The following MAP3K6 variants were observed in gnomAD, a reference collection of about 807,000 sequenced individuals.
The protein encoded by MAP3K6 is mitogen-activated protein kinase kinase kinase 6, also known as apoptosis signal-regulating kinase 2.
A neutral mutation model predicts 147.1 loss-of-function variants in MAP3K6; 105 were observed. The ratio of observed to expected loss-of-function variants is 0.71; its 90% confidence interval spans 0.61 to 0.84. The LOEUF (loss-of-function observed/expected upper bound fraction) is 0.84, where lower values mean the gene tolerates loss of function less well. Ranked by LOEUF, MAP3K6 falls within the 40% of genes least tolerant of loss-of-function variation. The pLI is 0.00. For missense variants in MAP3K6, 1,569 were observed against 1,715.0 expected, an observed-to-expected ratio of 0.91 and a Z score of 1.50; for synonymous variants, 695 against 732.4, an observed-to-expected ratio of 0.95 and a Z score of 0.82.
intron 9 of MAP3K6, 83 bp downstream of exon 9, chr1:27,362,008 G>A: frequency 6.5e-7 from 1 of 1,536,008 alleles, no homozygotes; most frequent in Non-Finnish European, 8.8e-7. Flanking sequence ...CATTGGCTCA[G>A]GGTTCAGTCT....
At chr1:27,365,709 G>T (rs542048045) in intron 1 of MAP3K6, among the ~76,000 whole-genome samples, 3 of 147,938 alleles carry the variant, frequency 2.0e-5, no homozygotes, top group Non-Finnish European at 4.5e-5. Flanking sequence ...CCCTCACCCA[G>T]TATCCAGTCC....
In MAP3K6 at chr1:27,363,627, C is replaced by T. The variant is rs1022977937; in HGVS notation, c.865-79G>A. ...CCTTGAGCCAGGGTCCTGTCCCACT[C>T]CTGACATCCCACCCAGCCACCATCT... On this transcript the variant is annotated intron_variant, in intron 5 of 28. Transcript: ENST00000357582. 9.8e-6 allele frequency: 11 copies of T among 1,117,964 alleles called. 1 individual carries two copies. Among genetic ancestry groups the T allele is most frequent in the Non-Finnish European group, 1.3e-5 (10 of 784,668 alleles). The allele number at this position is 1,117,964 out of a possible 1,614,324, so 69.3% of individuals were successfully genotyped here.
Position 27,361,842 on chromosome 1 carries a change from A to G in MAP3K6, c.1441T>C (p.Phe481Leu), listed in dbSNP as rs2015787239. The G allele has an allele frequency of 1.9e-6, 3 of 1,577,624 alleles. No individual in the cohort carries two copies. Among genetic ancestry groups the G allele is most frequent in the Admixed American group, 1.8e-5 (1 of 55,264 alleles). Residue 481 changes from phenylalanine (F) to leucine (L), a missense_variant, in exon 10 of 29, where the codon TTC (phenylalanine) becomes CTC (leucine). By Grantham distance (22) the Phe-to-Leu change is conservative (BLOSUM62 0). Coordinates refer to ENST00000357582, the MANE Select transcript of MAP3K6 (RefSeq NM_004672.5). ...GGCCTGAAGTGCTGGTAGAGCAGGAAGGTCTCCATCACGGACACCAGGTAC... is the reference window on the plus strand; with the variant it reads ...GGCCTGAAGTGCTGGTAGAGCAGGAGGGTCTCCATCACGGACACCAGGTAC... The part of the protein sequence containing the change: ...IWYLVSVMET[F>L]LLYQHFRPTP...
chr1:27,358,280 G>A lies in MAP3K6; in HGVS notation c.2816C>T (p.Thr939Ile). ...GCACGGGAATGTCTGAGACTGGGTG[G>A]TTGAGTTGGCTGAAGGAGTGGGACT... Reference protein sequence around the residue: ...SASPTPSANSTTQSQTFPCPQ... With the variant: ...SASPTPSANSITQSQTFPCPQ... Residue 939 changes from threonine to isoleucine, a missense_variant, in exon 21 of 29, where the codon ACC (threonine) becomes ATC (isoleucine). Transcript: ENST00000357582. The surrounding 1 kb of genome is among the most constrained non-coding windows in gnomAD (Gnocchi z 6.2). 2.5e-6 allele frequency: 4 copies of A among 1,607,830 alleles called. No individual in the cohort carries two copies. Among genetic ancestry groups the A allele is most frequent in the Non-Finnish European group, 3.4e-6 (4 of 1,178,394 alleles).
At chr1:27,365,697 C>T (rs767556676) in intron 1 of MAP3K6, among the ~76,000 whole-genome samples, 154 of 151,258 alleles carry the variant, frequency 1.0e-3, no homozygotes, top group Non-Finnish European at 2.0e-3. Flanking sequence ...TTAACCTAAG[C>T]TCCCTCACCC....
Position 27,355,333 on chromosome 1 carries a change from G to A in MAP3K6, c.*58C>T, listed in dbSNP as rs1430908480. Reference sequence around the variant, plus strand: ...GGCTGGTGTGTCAGAAGCTGCCTTTGTCCTCTCCATTCATCCATCCTTGGG... The same window carrying A: ...GGCTGGTGTGTCAGAAGCTGCCTTTATCCTCTCCATTCATCCATCCTTGGG... On this transcript the variant is annotated 3_prime_UTR_variant, in exon 29 of 29. Coordinates refer to ENST00000357582, the MANE Select transcript of MAP3K6 (RefSeq NM_004672.5). 1.1e-5 allele frequency: 16 copies of A among 1,504,732 alleles called. No individual in the cohort carries two copies. Among genetic ancestry groups the A allele is most frequent in the Admixed American group, 3.3e-5 (2 of 59,848 alleles). The allele number at this position is 1,504,732 out of a possible 1,614,324, so 93.2% of individuals were successfully genotyped here. A position where few individuals can be genotyped will look rare whatever the true frequency, so the allele number is the denominator to read the frequency against.
chr1:27,356,889 C>T (rs1461427268), intron 24 of MAP3K6, 120 bp downstream of exon 24: 52 of 1,411,510 alleles, frequency 3.7e-5, no homozygotes, highest in Non-Finnish European at 4.5e-5. Context: ...TTAGTCACGC[C>T]CCCACCGGCG....
Position 27,364,962 on chromosome 1 carries a change from G to A in MAP3K6, c.341-50C>T, listed in dbSNP as rs769765854. 6.5e-6 allele frequency: 10 copies of A among 1,533,242 alleles called. No individual in the cohort carries two copies. In the South Asian group the frequency reaches 1.1e-4, roughly 17 times the overall value. 95.0% of individuals were successfully genotyped at this position (1,533,242 alleles called of 1,614,324 possible). A position where few individuals can be genotyped will look rare whatever the true frequency, so the allele number is the denominator to read the frequency against. ...TGATCCCTGAAGCCCAGCTTGATGG[G>A]GAAGGAGCCGGGGTCCATCCTGGCT... is the stretch of plus-strand genomic sequence containing the variant. On this transcript the variant is annotated intron_variant, in intron 1 of 28. Transcript: ENST00000357582. This position sits in a 1 kb window ranked among gnomAD's most constrained non-coding sequence, Gnocchi z 4.4.
In MAP3K6 at chr1:27,362,867, C is replaced by G. The variant is rs1284697382; in HGVS notation, c.1126G>C (p.Glu376Gln). 3.1e-6 allele frequency: 5 copies of G among 1,613,924 alleles called. No individual in the cohort carries two copies. Among genetic ancestry groups the G allele is most frequent in the Non-Finnish European group, 4.2e-6 (5 of 1,179,986 alleles). The change falls in exon 7 of 29, where the codon GAG becomes CAG. Residue 376 changes from glutamate to glutamine, a missense_variant. Transcript: ENST00000357582. ...SSGFQDAGHR[E>Q]QAYHWYRKAF... ...GCTCTTTACCAGTGATAGGCCTGCTCCCGGTGCCCAGCATCCTGGAAACCC... is the reference window on the plus strand; with the variant it reads ...GCTCTTTACCAGTGATAGGCCTGCTGCCGGTGCCCAGCATCCTGGAAACCC...
intron 1 of MAP3K6, among the ~76,000 whole-genome samples, chr1:27,365,846 C>T (rs2015958402): frequency 6.6e-6 from 1 of 152,084 alleles, no homozygotes; most frequent in Non-Finnish European, 1.5e-5. Flanking sequence ...CAGTAATTGT[C>T]CTCAAGAGAT....
Position 27,357,008 on chromosome 1 carries a change from C to T in MAP3K6, c.3364+1G>A. On this transcript the variant is annotated splice_donor_variant, in intron 24 of 28. Coordinates refer to ENST00000357582, the MANE Select transcript of MAP3K6 (RefSeq NM_004672.5). LOFTEE classifies it high-confidence loss of function. ...GGAGGCCCGTGGCATTCCCCTCCTACCCGGTCCTAGCACACCCAGGGCTGC... is the reference window on the plus strand; with the variant it reads ...GGAGGCCCGTGGCATTCCCCTCCTATCCGGTCCTAGCACACCCAGGGCTGC... The T allele has an allele frequency of 1.2e-6, 2 of 1,613,568 alleles. No individual in the cohort carries two copies. The highest frequency in any genetic ancestry group is 1.7e-6 in the Non-Finnish European group (2 of 1,179,746).
intron 23 of MAP3K6, 80 bp from the exon 24 acceptor site, chr1:27,357,194 C>A: frequency 7.1e-7 from 1 of 1,402,064 alleles, no homozygotes; most frequent in South Asian, 1.2e-5. Context: ...CCTAGAAAGT[C>A]TTCGGCGGGA....
At chr1:27,365,589 G>A (rs1303259646) in intron 1 of MAP3K6, among the ~76,000 whole-genome samples, 1 of 152,050 alleles carries the variant, frequency 6.6e-6, no homozygotes, top group Admixed American at 6.6e-5. Flanking sequence ...AGTGACTCGC[G>A]GGGGAATAGC....
In MAP3K6 at chr1:27,361,770, GC is replaced by G; in HGVS notation, c.1512del (p.Trp504CysfsTer29). On this transcript the variant is annotated frameshift_variant, in exon 10 of 29. Transcript: ENST00000357582. LOFTEE classifies it high-confidence loss of function. ...PGGPPRRAHFWLHFLLQSCQP... is the reference protein window; with the variant it reads ...PGGPPRRAHFXLHFLLQSCQP... The stretch of plus-strand genomic sequence containing the variant: ...TGGCAGGACTGTAGCAAGAAGTGGA[GC>G]CAGAAGTGGGCACGGCGTGGTGGCC... 6.2e-7 allele frequency: 1 copy of G among 1,613,082 alleles called. No individual in the cohort carries two copies. Among genetic ancestry groups the G allele is most frequent in the Non-Finnish European group, 8.5e-7 (1 of 1,179,556 alleles).
chr1:27,362,798 C>A (rs1013335244), intron 7 of MAP3K6, 45 bp from the exon 8 acceptor site: 3 of 1,611,168 alleles, frequency 1.9e-6, no homozygotes, highest in South Asian at 2.2e-5. Context: ...ATGCCCACAG[C>A]ACCACCCCTC....
Position 27,355,226 on chromosome 1 carries a change from G to T in MAP3K6, c.*165C>A. 1.4e-6 allele frequency: 1 copy of T among 730,774 alleles called. No homozygotes were observed. The allele number at this position is 730,774 out of a possible 1,614,324, so 45.3% of individuals were successfully genotyped here. A position where few individuals can be genotyped will look rare whatever the true frequency, so the allele number is the denominator to read the frequency against. ...TAATACGCTTTGTCTGGTAGTGCTT[G>T]GGTGCCTGTGGTTGGTTTCTCTCAC... On this transcript the variant is annotated 3_prime_UTR_variant, in exon 29 of 29. Coordinates refer to ENST00000357582, the MANE Select transcript of MAP3K6 (RefSeq NM_004672.5).
rs749752867 is a variant in MAP3K6 at position 27,360,785 on chromosome 1, C to G, written c.1974G>C (p.Thr658=). Residue 658 remains threonine, a synonymous_variant, in exon 15 of 29, where the codon ACG becomes ACC. Transcript: ENST00000357582. The surrounding 1 kb of genome is among the most constrained non-coding windows in gnomAD (Gnocchi z 4.5). ...TGERLVLGKG[T]YGVVYAGRDR... ...CGCGGCCCGCGTACACCACCCCATACGTGCCCTTGCCCAGCACCAGCCGCT... is the reference window on the plus strand; with the variant it reads ...CGCGGCCCGCGTACACCACCCCATAGGTGCCCTTGCCCAGCACCAGCCGCT... 6.2e-7 allele frequency: 1 copy of G among 1,612,614 alleles called. No homozygotes were observed. Among genetic ancestry groups the G allele is most frequent in the African/African-American group, 1.3e-5 (1 of 74,936 alleles).
In MAP3K6 at chr1:27,358,410, C is replaced by A. The variant is rs771708931; in HGVS notation, c.2776+9G>T. On this transcript the variant is annotated intron_variant, in intron 20 of 28. Coordinates refer to ENST00000357582, the MANE Select transcript of MAP3K6 (RefSeq NM_004672.5). The surrounding 1 kb of genome is among the most constrained non-coding windows in gnomAD (Gnocchi z 6.2). Reference sequence around the variant, plus strand: ...CCTCCACTGTGCCCATCCCGCCACCCGCAAGCACCTGAGGGCCGTGGAGCA... The same window carrying A: ...CCTCCACTGTGCCCATCCCGCCACCAGCAAGCACCTGAGGGCCGTGGAGCA... 1 of 1,582,838 alleles carries A rather than the reference C, an allele frequency of 6.3e-7. No homozygotes were observed. The highest frequency in any genetic ancestry group is 1.4e-5 in the African/African-American group (1 of 72,850).
chr1:27,355,882 C>G lies in MAP3K6; in HGVS notation c.3712-137G>C. 2.6e-6 allele frequency: 3 copies of G among 1,140,672 alleles called. No homozygotes were observed. The East Asian group carries it at 7.3e-5, about 28-fold the overall frequency. 70.7% of individuals were successfully genotyped at this position (1,140,672 alleles called of 1,614,324 possible). A position where few individuals can be genotyped will look rare whatever the true frequency, so the allele number is the denominator to read the frequency against. On this transcript the variant is annotated intron_variant, in intron 27 of 28. Coordinates refer to ENST00000357582, the MANE Select transcript of MAP3K6 (RefSeq NM_004672.5). ...CCCTTCTGGGCCTCAGTTTTCTCAT[C>G]CATACAATGGGACGAGAATACTAAG...
Sources: gnomAD v4.1 joint callset for allele counts (sites outside exome capture counted in the v4.1 genomes callset) on GRCh38, gnomAD v4.1.1 for gene constraint, Gnocchi (gnomAD v3.1) non-coding constraint, MANE v1.5 for transcripts, NCBI Gene and HGNC (gene_info 2026-07-23, HGNC 2026-07-21) for gene names.